The following PPARGC1A variants were observed in gnomAD, a reference collection of about 807,000 sequenced individuals.
PPARGC1A encodes the protein peroxisome proliferator-activated receptor gamma coactivator 1-alpha.
In PPARGC1A, 25 loss-of-function variants were observed where a neutral mutation model predicts 88.7. The observed-to-expected ratio is 0.28, with a 90% confidence interval of 0.21 to 0.39. The LOEUF (loss-of-function observed/expected upper bound fraction) is 0.39. PPARGC1A is among the 10% of genes least tolerant of loss of function. PPARGC1A has a pLI of 1.00. For synonymous variants in PPARGC1A, 363 were observed against 355.6 expected, an observed-to-expected ratio of 1.02 and a Z score of -0.24; for missense variants, 880 against 968.7, an observed-to-expected ratio of 0.91 and a Z score of 1.22.
chr4:24,133,534 G>A, the PPARGC1A span, among the ~76,000 whole-genome samples: 2,407 of 152,242 alleles, frequency 0.016, 47 homozygotes, highest in African/African-American at 0.051. Flanking sequence ...TCACGTCTTC[G>A]TTGAAGAGAA....
the PPARGC1A span, among the ~76,000 whole-genome samples, chr4:24,231,719 G>A: frequency 6.6e-6 from 1 of 152,058 alleles, no homozygotes; most frequent in African/African-American, 2.4e-5. Flanking sequence ...ACCATTAGTT[G>A]GATATTTGGG....
the PPARGC1A span, among the ~76,000 whole-genome samples, chr4:24,047,452 C>G: frequency 6.6e-6 from 1 of 152,164 alleles, no homozygotes; most frequent in Non-Finnish European, 1.5e-5. Flanking sequence ...TGGCACTGTG[C>G]TAAGTGCTTT....
chr4:24,054,478 G>A, the PPARGC1A span, among the ~76,000 whole-genome samples: 2 of 152,210 alleles, frequency 1.3e-5, no homozygotes, highest in East Asian at 1.9e-4. Context: ...TGTCCATTTA[G>A]GGTTTTAAAT....
the PPARGC1A span, among the ~76,000 whole-genome samples, chr4:24,190,589 G>A: frequency 6.6e-6 from 1 of 152,104 alleles, no homozygotes; most frequent in Non-Finnish European, 1.5e-5. Flanking sequence ...CAAACTCCCA[G>A]GTTCTAATCT....
the PPARGC1A span, among the ~76,000 whole-genome samples, chr4:24,127,945 T>C: frequency 6.6e-6 from 1 of 152,168 alleles, no homozygotes; most frequent in African/African-American, 2.4e-5. Flanking sequence ...CTAGTTTCCA[T>C]TTTTTCTATG....
upstream of PPARGC1A, among the ~76,000 whole-genome samples, chr4:23,890,602 C>CTTTTTTTTT (rs56855205): frequency 3.9e-5 from 4 of 103,230 alleles, no homozygotes; most frequent in East Asian, 3.3e-4. Context: ...GCAAACGGGG[C>CTTTTTTTTT]TTTTTTTTTT....
chr4:24,202,548 G>A, the PPARGC1A span, among the ~76,000 whole-genome samples: 1 of 152,062 alleles, frequency 6.6e-6, no homozygotes, highest in African/African-American at 2.4e-5. Context: ...TCTACATAGT[G>A]GACACATTAA....
the PPARGC1A span, among the ~76,000 whole-genome samples, chr4:24,112,921 C>T: frequency 1.3e-5 from 2 of 152,182 alleles, no homozygotes; most frequent in Non-Finnish European, 2.9e-5. Flanking sequence ...CCAAGAGAAG[C>T]TGTCAAAAAC....
Position 23,883,251 on chromosome 4 carries a change from A to G in PPARGC1A, c.234+1501T>C, listed in dbSNP as rs368566353. 16 of 152,308 alleles carry G rather than the reference A, an allele frequency of 1.1e-4. No homozygotes were observed. In the East Asian group the frequency reaches 2.1e-3, roughly 20 times the overall value. 9.4% of individuals were successfully genotyped at this position (152,308 alleles called of 1,614,324 possible). ...CCCCAGTCCAAACTCTACTACCTTA[A>G]GCATTCTTCTAAAACCCACTTAATC... On this transcript the variant is annotated intron_variant, in intron 2 of 12. Coordinates refer to ENST00000264867, the MANE Select transcript of PPARGC1A (RefSeq NM_013261.5).
chr4:24,025,657 T>C, the PPARGC1A span, among the ~76,000 whole-genome samples: 2 of 148,932 alleles, frequency 1.3e-5, no homozygotes, highest in East Asian at 4.0e-4. Flanking sequence ...CACCAGGAAA[T>C]AAGGTATGGA....
At chr4:23,967,654 A>G in the PPARGC1A span, among the ~76,000 whole-genome samples, 3 of 152,148 alleles carry the variant, frequency 2.0e-5, no homozygotes, top group Admixed American at 6.5e-5. Flanking sequence ...GAACCTCCAA[A>G]GTCATTATCA....
chr4:24,433,941 C>T, the PPARGC1A span, among the ~76,000 whole-genome samples: 7 of 152,146 alleles, frequency 4.6e-5, no homozygotes, highest in African/African-American at 1.4e-4. Flanking sequence ...CCTCGCTGGC[C>T]GCCATAATGA....
intron 2 of PPARGC1A, among the ~76,000 whole-genome samples, chr4:23,839,621 C>T (rs1383609958): frequency 6.6e-6 from 1 of 152,070 alleles, no homozygotes; most frequent in Admixed American, 6.6e-5. Flanking sequence ...AATGAAAATC[C>T]CATAGGTTTC....
At chr4:24,221,377 T>C in the PPARGC1A span, among the ~76,000 whole-genome samples, 1 of 152,200 alleles carries the variant, frequency 6.6e-6, no homozygotes, top group Non-Finnish European at 1.5e-5. Context: ...TGGTATTATC[T>C]TCATTTTATA....
the PPARGC1A span, among the ~76,000 whole-genome samples, chr4:24,439,152 C>T: frequency 2.0e-5 from 3 of 152,238 alleles, no homozygotes; most frequent in South Asian, 2.1e-4. Context: ...ATTGTCCTCC[C>T]TGCATTTCCA....
the PPARGC1A span, among the ~76,000 whole-genome samples, chr4:24,243,066 A>T: frequency 2.6e-5 from 4 of 152,066 alleles, no homozygotes; most frequent in East Asian, 7.7e-4. Flanking sequence ...CTTCCATTAT[A>T]CTGCAATTTC....
At chr4:24,038,459 T>C in the PPARGC1A span, among the ~76,000 whole-genome samples, 1 of 152,232 alleles carries the variant, frequency 6.6e-6, no homozygotes, top group Non-Finnish European at 1.5e-5. Context: ...GTAACTGATA[T>C]TTATATTTCA....
At chr4:24,454,164 A>C in the PPARGC1A span, among the ~76,000 whole-genome samples, 1 of 151,558 alleles carries the variant, frequency 6.6e-6, no homozygotes, top group African/African-American at 2.4e-5. Context: ...CAGATTGATG[A>C]GCAATCAACT....
At chr4:24,330,169 T>C in the PPARGC1A span, among the ~76,000 whole-genome samples, 2 of 152,236 alleles carry the variant, frequency 1.3e-5, no homozygotes, top group Non-Finnish European at 1.5e-5. Context: ...ATAAATTCTT[T>C]GACATTTCTC....
Sources: gnomAD v4.1 joint callset for allele counts (sites outside exome capture counted in the v4.1 genomes callset) on GRCh38, gnomAD v4.1.1 for gene constraint, MANE v1.5 for transcripts, NCBI Gene and HGNC (gene_info 2026-07-23, HGNC 2026-07-21) for gene names.